Variants in LRP1B observed in about 807,000 individuals in gnomAD.
LRP1B encodes LDL receptor related protein 1B.
LRP1B carries 217 observed loss-of-function variants against 556.6 expected under a neutral mutation model. That is an observed-to-expected ratio of 0.39 (90% CI 0.35 to 0.44). The LOEUF is 0.44. Ranked by LOEUF, LRP1B falls within the 20% of genes least tolerant of loss-of-function variation. The pLI is 1.00. For synonymous variants in LRP1B, 2,047 were observed against 1,865.8 expected, an observed-to-expected ratio of 1.10 and a Z score of -2.50; for missense variants, 5,053 against 5,620.8, an observed-to-expected ratio of 0.90 and a Z score of 3.23.
Position 142,003,059 on chromosome 2 carries a change from A to C in LRP1B, c.82+127589T>G, listed in dbSNP as rs536562459. On this transcript the variant is annotated intron_variant, in intron 1 of 90. Transcript: ENST00000389484. ...TTCAGATGATTAGAGAGCATATCAAAGGCTATCATGCATATTTATGCCAAC... is the reference window on the plus strand; with the variant it reads ...TTCAGATGATTAGAGAGCATATCAACGGCTATCATGCATATTTATGCCAAC... Among the ~76,000 whole-genome samples the C allele has an allele frequency of 2.6e-5, 4 of 152,356 alleles. No homozygotes were observed. In the East Asian group the frequency reaches 7.7e-4, roughly 29 times the overall value.
At chr2:141,672,280 C>T (rs1286679262) in intron 2 of LRP1B, among the ~76,000 whole-genome samples, 6 of 151,930 alleles carry the variant, frequency 3.9e-5, no homozygotes, top group African/African-American at 7.3e-5. Flanking sequence ...GGAAGAGTTG[C>T]GCTCCTCATC....
At chr2:140,289,213 T>C (rs1283877436) in intron 84 of LRP1B, among the ~76,000 whole-genome samples, 8 of 152,004 alleles carry the variant, frequency 5.3e-5, no homozygotes, top group African/African-American at 9.7e-5. Context: ...CAAACAATTA[T>C]GTGAAAAATA....
At chr2:142,071,266 C>T (rs1705300456) in intron 1 of LRP1B, among the ~76,000 whole-genome samples, 1 of 151,922 alleles carries the variant, frequency 6.6e-6, no homozygotes, top group Admixed American at 6.6e-5. Flanking sequence ...GGCTAATTAA[C>T]TCAAAATTAT....
intron 1 of LRP1B, among the ~76,000 whole-genome samples, chr2:141,972,353 G>A (rs1183647612): frequency 6.6e-6 from 1 of 151,414 alleles, no homozygotes; most frequent in Non-Finnish European, 1.5e-5. Flanking sequence ...TGTTTAGTGA[G>A]TAATTCAAAT....
At chr2:140,959,239 G>A (rs1695964373) in intron 18 of LRP1B, among the ~76,000 whole-genome samples, 1 of 151,556 alleles carries the variant, frequency 6.6e-6, no homozygotes, top group South Asian at 2.1e-4. Context: ...TCCTTAACGA[G>A]AGATACAGGA....
intron 6 of LRP1B, 95 bp downstream of exon 6, chr2:141,229,088 G>A (rs2105292753): frequency 1.6e-6 from 2 of 1,248,266 alleles, no homozygotes; most frequent in Non-Finnish European, 2.3e-6. Context: ...CTTTCCAACA[G>A]CCATGAGCTA....
chr2:140,662,168 C>CATAT (rs1325885576), intron 41 of LRP1B, among the ~76,000 whole-genome samples: 1 of 151,688 alleles, frequency 6.6e-6, no homozygotes, highest in Non-Finnish European at 1.5e-5. Context: ...TATATTACTA[C>CATAT]ATATATATAT....
At chr2:140,474,286 G>C (rs552080802) in intron 60 of LRP1B, among the ~76,000 whole-genome samples, 1 of 151,752 alleles carries the variant, frequency 6.6e-6, no homozygotes, top group East Asian at 1.9e-4. Context: ...AGTATTACTC[G>C]ATGATTAAGA....
chr2:141,631,235 A>G (rs1299527467), intron 2 of LRP1B, among the ~76,000 whole-genome samples: 1 of 152,144 alleles, frequency 6.6e-6, no homozygotes, highest in Non-Finnish European at 1.5e-5. Context: ...CACTATCATG[A>G]GAACAGCATG....
chr2:140,511,625 A>G (rs1431156495), intron 51 of LRP1B, among the ~76,000 whole-genome samples: 1 of 152,084 alleles, frequency 6.6e-6, no homozygotes, highest in Admixed American at 6.5e-5. Flanking sequence ...TTGCAATATA[A>G]ACATACCTGT....
chr2:140,370,612 G>T, intron 71 of LRP1B, 98 bp downstream of exon 71: 1 of 1,433,464 alleles, frequency 7.0e-7, no homozygotes, highest in South Asian at 1.4e-5. Context: ...ATTATTTAAA[G>T]ATTCTATCCT....
At chr2:141,549,376 T>G (rs1465873818) in intron 2 of LRP1B, among the ~76,000 whole-genome samples, 1 of 152,240 alleles carries the variant, frequency 6.6e-6, no homozygotes, top group Non-Finnish European at 1.5e-5. Flanking sequence ...TATAGGGGAA[T>G]AGAGTGTAAT....
At chr2:142,086,275 G>C (rs1322877283) in intron 1 of LRP1B, among the ~76,000 whole-genome samples, 1 of 152,088 alleles carries the variant, frequency 6.6e-6, no homozygotes, top group Non-Finnish European at 1.5e-5. Flanking sequence ...GATCCTCTAT[G>C]GGCATTTTTC....
Position 140,325,872 on chromosome 2 carries a change from G to A in LRP1B, c.12230C>T (p.Ala4077Val), listed in dbSNP as rs1217831194. 1.3e-6 allele frequency: 2 copies of A among 1,599,838 alleles called. No individual in the cohort carries two copies. The highest frequency in any genetic ancestry group is 1.1e-5 in the South Asian group (1 of 90,432). The change falls in exon 80 of 91, where the codon GCT (alanine) becomes GTT (valine). Residue 4077 changes from alanine to valine, a missense_variant. By Grantham distance (64) the Ala-to-Val change is moderately conservative. This residue lies in a region of LRP1B where 22 missense variants were observed against 53.4 expected (regional missense o/e 0.41). Transcript: ENST00000389484. ...TATGCGTTCACTAAAATAATCCACAGCCAAACCTGCAAAATCAACACACAC... is the reference window on the plus strand; with the variant it reads ...TATGCGTTCACTAAAATAATCCACAACCAAACCTGCAAAATCAACACACAC... The part of the protein sequence containing the change: ...QKNLQRPTGL[A>V]VDYFSERIYW...
At chr2:140,613,583 C>T (rs1393337364) in intron 41 of LRP1B, among the ~76,000 whole-genome samples, 1 of 151,170 alleles carries the variant, frequency 6.6e-6, no homozygotes, top group South Asian at 2.1e-4. Flanking sequence ...CCAACTCTAG[C>T]CGGTTTCCTT....
intron 2 of LRP1B, among the ~76,000 whole-genome samples, chr2:141,743,073 A>C (rs1383572679): frequency 6.6e-6 from 1 of 151,966 alleles, no homozygotes; most frequent in Non-Finnish European, 1.5e-5. Context: ...TCTTCCATTC[A>C]ACTGTGGATG....
intron 1 of LRP1B, among the ~76,000 whole-genome samples, chr2:141,924,624 C>T (rs1700286448): frequency 6.6e-6 from 1 of 152,184 alleles, no homozygotes; most frequent in Non-Finnish European, 1.5e-5. Context: ...AAAACACGCG[C>T]CCTGGCTCCT....
intron 67 of LRP1B, among the ~76,000 whole-genome samples, chr2:140,379,663 C>T (rs1018886134): frequency 2.6e-5 from 4 of 152,182 alleles, no homozygotes; most frequent in Admixed American, 2.6e-4. Flanking sequence ...CCACTGCATT[C>T]CAGCCTGGGC....
At chr2:141,667,886 T>C (rs1690505416) in intron 2 of LRP1B, among the ~76,000 whole-genome samples, 1 of 152,164 alleles carries the variant, frequency 6.6e-6, no homozygotes, top group Non-Finnish European at 1.5e-5. Context: ...AATAGGTAAA[T>C]TAACATGTGA....
Sources: allele counts gnomAD v4.1 joint callset (sites outside exome capture counted in the v4.1 genomes callset), GRCh38; gene constraint gnomAD v4.1.1; regional missense constraint gnomAD v4.1.1; transcripts MANE v1.5; gene names NCBI Gene and HGNC (gene_info 2026-07-23, HGNC 2026-07-21).